IP6K2: variants seen among roughly 807,000 people sequenced by gnomAD.
IP6K2 encodes inositol hexakisphosphate kinase 2.
IP6K2 carries 9 observed loss-of-function variants against 43.3 expected under a neutral mutation model. That is an observed-to-expected ratio of 0.21 (90% confidence interval 0.13 to 0.36). The LOEUF (loss-of-function observed/expected upper bound fraction) is 0.36. Ranked by LOEUF, IP6K2 falls within the 10% of genes least tolerant of loss-of-function variation. IP6K2 has a pLI of 1.00. For synonymous variants in IP6K2, 209 were observed against 202.4 expected (o/e 1.03, Z -0.28); for missense variants, 332 against 538.4 (o/e 0.62, Z 3.79).
chr3:48,714,975 C>T (rs1025452180), intron 1 of IP6K2, among the ~76,000 whole-genome samples: 9 of 151,898 alleles, frequency 5.9e-5, no homozygotes, highest in African/African-American at 2.2e-4. Flanking sequence ...AACTGTGCAT[C>T]ATCTCGGCAA....
intron 1 of IP6K2, among the ~76,000 whole-genome samples, chr3:48,704,849 G>A (rs1352982031): frequency 4.6e-5 from 7 of 151,706 alleles, no homozygotes; most frequent in Non-Finnish European, 1.0e-4. Context: ...CTCACCTCAC[G>A]GCAACCTCTG....
intron 2 of IP6K2, chr3:48,694,475 T>TC: frequency 6.5e-7 from 1 of 1,548,270 alleles, no homozygotes; most frequent in Non-Finnish European, 8.7e-7. Flanking sequence ...TACAAAAGAC[T>TC]CCCCCACTCC....
chr3:48,688,445 T>C lies in IP6K2; in HGVS notation c.1109A>G (p.Lys370Arg). The change falls in exon 6 of 6, where the codon AAA (lysine) becomes AGA (arginine). Residue 370 changes from lysine to arginine, a missense_variant. Coordinates refer to ENST00000328631, the MANE Select transcript of IP6K2 (RefSeq NM_016291.4). The surrounding 1 kb of genome is among the most constrained non-coding windows in gnomAD (Gnocchi z 5.1). ...ADESAGAYAY[K>R]PIGASSVDVR... ...ATCTACAGAGCTGGCGCCGATGGGT[T>C]TGTAGGCATAGGCACCAGCAGACTC... The C allele has an allele frequency of 6.2e-7, 1 of 1,614,190 alleles. No individual in the cohort carries two copies. The highest frequency in any genetic ancestry group is 8.5e-7 in the Non-Finnish European group (1 of 1,180,026).
Position 48,689,531 on chromosome 3 carries a change from C to G in IP6K2, c.780+7G>C. The G allele has an allele frequency of 6.2e-7, 1 of 1,609,012 alleles. No homozygotes were observed. The highest frequency in any genetic ancestry group is 1.1e-5 in the South Asian group (1 of 90,698). On this transcript the variant is annotated splice_region_variant and intron_variant, in intron 5 of 5. Transcript: ENST00000328631. Reference sequence around the variant, plus strand: ...GATGCCCTAGCCAGCCCTAGCATCCCCCTCACCTGCATGCCACACACACGC... The same window carrying G: ...GATGCCCTAGCCAGCCCTAGCATCCGCCTCACCTGCATGCCACACACACGC...
intron 1 of IP6K2, among the ~76,000 whole-genome samples, chr3:48,714,724 C>A (rs1299385306): frequency 6.6e-6 from 1 of 151,884 alleles, no homozygotes; most frequent in Admixed American, 6.6e-5. Flanking sequence ...GTAGGGCAGG[C>A]CAGGCGCGGA....
rs774570078 is a variant in IP6K2 at position 48,695,328 on chromosome 3, G to A, written c.-37C>T. The A allele has an allele frequency of 6.3e-7, 1 of 1,585,284 alleles. No homozygotes were observed. The highest frequency in any genetic ancestry group is 8.6e-7 in the Non-Finnish European group (1 of 1,165,000). ...AGATGGCGGGGAGATGGGGGAGGCAGCGGAGTCCAGCGGCCAGTACGTCTT... is the reference window on the plus strand; with the variant it reads ...AGATGGCGGGGAGATGGGGGAGGCAACGGAGTCCAGCGGCCAGTACGTCTT... On this transcript the variant is annotated 5_prime_UTR_variant, in exon 2 of 6. Coordinates refer to ENST00000328631, the MANE Select transcript of IP6K2 (RefSeq NM_016291.4). The surrounding 1 kb of genome is among the most constrained non-coding windows in gnomAD (Gnocchi z 4.6).
chr3:48,695,022 C>T lies in IP6K2; in HGVS notation c.202+68G>A, dbSNP rs567177917. The T allele has an allele frequency of 9.9e-6, 16 of 1,613,760 alleles. No homozygotes were observed. In the East Asian group the frequency reaches 3.1e-4, roughly 31 times the overall value. On this transcript the variant is annotated intron_variant, in intron 2 of 5. Coordinates refer to ENST00000328631, the MANE Select transcript of IP6K2 (RefSeq NM_016291.4). This position sits in a 1 kb window ranked among gnomAD's most constrained non-coding sequence, Gnocchi z 4.6. ...AGGGCTCCAGGGATGGCTGCCAGGGCCTTCCATGGCCACGATCTCTCACAT... is the reference window on the plus strand; with the variant it reads ...AGGGCTCCAGGGATGGCTGCCAGGGTCTTCCATGGCCACGATCTCTCACAT...
chr3:48,688,797 C>T lies in IP6K2; in HGVS notation c.781-24G>A. 1 of 1,580,080 alleles carries T rather than the reference C, an allele frequency of 6.3e-7. No individual in the cohort carries two copies. The highest frequency in any genetic ancestry group is 1.2e-5 in the South Asian group (1 of 85,866). On this transcript the variant is annotated intron_variant, in intron 5 of 5. Coordinates refer to ENST00000328631, the MANE Select transcript of IP6K2 (RefSeq NM_016291.4). This position sits in a 1 kb window ranked among gnomAD's most constrained non-coding sequence, Gnocchi z 5.1. The stretch of plus-strand genomic sequence containing the variant: ...ACCTGTAGGAGAGAGACCAGCAAGT[C>T]AGGGGCTGAGGGCCATCTCAAACCC...
rs750500428 is a variant in IP6K2, at chr3:48,688,804, T to C, written c.781-31A>G. ...GGAGAGAGACCAGCAAGTCAGGGGCTGAGGGCCATCTCAAACCCTGGACCC... is the reference window on the plus strand; with the variant it reads ...GGAGAGAGACCAGCAAGTCAGGGGCCGAGGGCCATCTCAAACCCTGGACCC... On this transcript the variant is annotated intron_variant, in intron 5 of 5. Transcript: ENST00000328631. This position sits in a 1 kb window ranked among gnomAD's most constrained non-coding sequence, Gnocchi z 5.1. 2 of 1,573,496 alleles carry C rather than the reference T, an allele frequency of 1.3e-6. No homozygotes were observed. The highest frequency in any genetic ancestry group is 1.7e-6 in the Non-Finnish European group (2 of 1,158,352).
intron 1 of IP6K2, among the ~76,000 whole-genome samples, chr3:48,706,058 T>TA (rs11464059): frequency 0.64 from 97,146 of 151,466 alleles, 31,954 homozygotes; most frequent in East Asian, 0.96. Context: ...ATACAAAAAA[T>TA]TAGCCGTGCA....
chr3:48,694,538 T>C, intron 2 of IP6K2: 8 of 1,522,178 alleles, frequency 5.3e-6, no homozygotes, highest in Non-Finnish European at 7.0e-6. Flanking sequence ...ATAAAATACA[T>C]TATAAAAAGA....
chr3:48,713,485 C>G (rs1171077456), intron 1 of IP6K2, among the ~76,000 whole-genome samples: 1 of 152,224 alleles, frequency 6.6e-6, no homozygotes, highest in Non-Finnish European at 1.5e-5. Context: ...CAACTGGGCA[C>G]ATTCTCACAA....
intron 2 of IP6K2, chr3:48,693,918 A>G: frequency 7.7e-7 from 1 of 1,305,110 alleles, no homozygotes; most frequent in African/African-American, 1.5e-5. Flanking sequence ...ACCTGCCATG[A>G]GTAATTAAGA....
rs751006884 is a variant in IP6K2 at position 48,693,046 on chromosome 3, CCTTAGGAG to C, written c.328_335del (p.Leu110ValfsTer17). 5 of 1,614,092 alleles carry C rather than the reference CCTTAGGAG, an allele frequency of 3.1e-6. No individual in the cohort carries two copies. Among genetic ancestry groups the C allele is most frequent in the Non-Finnish European group, 4.2e-6 (5 of 1,180,040 alleles). On this transcript the variant is annotated frameshift_variant, in exon 3 of 6. Transcript: ENST00000328631. LOFTEE classifies it high-confidence loss of function. Reference sequence around the variant, plus strand: ...CATGATGTTTTTTGTTTGTTGTCCACCTTAGGAGCTTACTTTTTGGTTCACAGTCTGAA... The same window carrying C: ...CATGATGTTTTTTGTTTGTTGTCCACCTTACTTTTTGGTTCACAGTCTGAA...
intron 2 of IP6K2, chr3:48,693,814 A>T: frequency 9.2e-7 from 1 of 1,091,574 alleles, no homozygotes; most frequent in Non-Finnish European, 1.1e-6. Flanking sequence ...CTCACGTCAC[A>T]AAATAACAAA....
rs542176676 is a variant in IP6K2, at chr3:48,705,576, G to A, written c.-130-10155C>T. Among the ~76,000 whole-genome samples, 91 of 151,630 alleles carry A rather than the reference G, an allele frequency of 6.0e-4. 2 individuals are homozygous for A. The South Asian group carries it at 0.019, about 31-fold the overall frequency. ...ACTGAGGTGGGAGGATCACTGGAGT[G>A]CAGGAGTTCCAGAATTCTGTGAGGT... On this transcript the variant is annotated intron_variant, in intron 1 of 5. Transcript: ENST00000328631.
chr3:48,707,578 G>T (rs2079953615), intron 1 of IP6K2, among the ~76,000 whole-genome samples: 2 of 152,158 alleles, frequency 1.3e-5, no homozygotes, highest in African/African-American at 4.8e-5. Flanking sequence ...GGGATTACAG[G>T]CATGCGCCAC....
intron 1 of IP6K2, chr3:48,699,228 T>C (rs1381760425): frequency 6.6e-6 from 1 of 151,964 alleles, no homozygotes; most frequent in East Asian, 1.9e-4. Context: ...CTGACCAACA[T>C]AGAGAAATGC....
intron 1 of IP6K2, among the ~76,000 whole-genome samples, chr3:48,716,878 A>T (rs1419163621): frequency 6.6e-6 from 1 of 151,760 alleles, no homozygotes; most frequent in African/African-American, 2.4e-5. Flanking sequence ...GCCCTCCCCC[A>T]AACCCGGGAG....
Sources: gnomAD v4.1 joint callset for allele counts (sites outside exome capture counted in the v4.1 genomes callset) on GRCh38, gnomAD v4.1.1 for gene constraint, Gnocchi (gnomAD v3.1) non-coding constraint, MANE v1.5 for transcripts, NCBI Gene and HGNC (gene_info 2026-07-23, HGNC 2026-07-21) for gene names.